Variants in CALD1 observed in about 807,000 individuals in gnomAD.
The protein encoded by CALD1 is caldesmon.
In CALD1, 33 loss-of-function variants were observed where a neutral mutation model predicts 99.9. The observed-to-expected ratio is 0.33, with a 90% CI of 0.25 to 0.44. The LOEUF is 0.44. Among genes scored for constraint, CALD1 ranks in the 20% least tolerant of loss-of-function variants. The pLI is 1.00. For missense variants in CALD1, 861 were observed against 962.1 expected, an observed-to-expected ratio of 0.89 and a Z score of 1.39; for synonymous variants, 310 against 325.0, an observed-to-expected ratio of 0.95 and a Z score of 0.50.
chr7:134,717,578 T>A, the CALD1 span, among the ~76,000 whole-genome samples: 1 of 152,210 alleles, frequency 6.6e-6, no homozygotes, highest in Non-Finnish European at 1.5e-5. Flanking sequence ...GAGAAAGCAC[T>A]GGAATCCAGC....
the CALD1 span, among the ~76,000 whole-genome samples, chr7:134,711,628 TTCTCTCTCTCTC>T: frequency 6.2e-5 from 4 of 64,028 alleles, no homozygotes; most frequent in East Asian, 5.9e-4. Flanking sequence ...CAACCTCAGC[TTCTCTCTCTCTC>T]TCTCTCTCTC....
At chr7:134,826,769 T>C (rs1799017451) in intron 1 of CALD1, among the ~76,000 whole-genome samples, 1 of 152,174 alleles carries the variant, frequency 6.6e-6, no homozygotes, top group Non-Finnish European at 1.5e-5. Context: ...TCAATATTTC[T>C]GAGAATCCCC....
chr7:134,895,344 A>G (rs1023525436), intron 3 of CALD1, among the ~76,000 whole-genome samples: 360 of 112,214 alleles, frequency 3.2e-3, no homozygotes, highest in Non-Finnish European at 3.9e-3. Context: ...GTGTGTGTGT[A>G]TGTATTTAGT....
At chr7:134,752,963 C>G (rs1349449747) in intron 1 of CALD1, among the ~76,000 whole-genome samples, 1 of 137,524 alleles carries the variant, frequency 7.3e-6, no homozygotes, top group Non-Finnish European at 1.5e-5. Context: ...TGAGCCGAGA[C>G]AGCACCACTG....
the CALD1 span, among the ~76,000 whole-genome samples, chr7:134,711,546 C>T: frequency 6.6e-6 from 1 of 151,956 alleles, no homozygotes; most frequent in Non-Finnish European, 1.5e-5. Flanking sequence ...CCCTGGTCTC[C>T]AGCCTGTCTG....
chr7:134,950,057 C>G (rs1462536238), intron 8 of CALD1, among the ~76,000 whole-genome samples: 2 of 152,222 alleles, frequency 1.3e-5, no homozygotes, highest in African/African-American at 4.8e-5. Flanking sequence ...CATGTGCTAT[C>G]TCACTGAGCC....
chr7:134,863,071 C>T (rs1343050952), intron 2 of CALD1, among the ~76,000 whole-genome samples: 3 of 152,112 alleles, frequency 2.0e-5, no homozygotes, highest in Admixed American at 2.0e-4. Context: ...GCCAAATTTC[C>T]CCTTTTCATA....
intron 1 of CALD1, among the ~76,000 whole-genome samples, chr7:134,821,624 C>G (rs1452075144): frequency 2.5e-5 from 3 of 122,334 alleles, no homozygotes; most frequent in African/African-American, 8.8e-5. Context: ...GCTCCGTCAC[C>G]CAGGCTGGAG....
At chr7:134,932,868 G>A (rs1204837587) in intron 4 of CALD1, 120 bp from the exon 5 acceptor site, 3 of 644,040 alleles carry the variant, frequency 4.7e-6, no homozygotes, top group Non-Finnish European at 8.1e-6. Flanking sequence ...ACGTACTGGG[G>A]ATATGGGCAA....
At chr7:134,828,587 A>G (rs1305399846) in intron 1 of CALD1, among the ~76,000 whole-genome samples, 1 of 152,188 alleles carries the variant, frequency 6.6e-6, no homozygotes, top group East Asian at 1.9e-4. Flanking sequence ...CTCTGGATTC[A>G]CTACATTCTG....
chr7:134,845,033 C>T (rs922892713), intron 2 of CALD1, among the ~76,000 whole-genome samples: 1 of 152,064 alleles, frequency 6.6e-6, no homozygotes, highest in African/African-American at 2.4e-5. Flanking sequence ...CATCATTTTC[C>T]CTCTCTAATA....
intron 1 of CALD1, among the ~76,000 whole-genome samples, chr7:134,758,493 C>T (rs1438819767): frequency 1.5e-5 from 2 of 136,368 alleles, no homozygotes; most frequent in Non-Finnish European, 3.1e-5. Context: ...ATCTGCAGCT[C>T]CCATTGGGGT....
chr7:134,894,958 T>A (rs1007366321), intron 3 of CALD1, among the ~76,000 whole-genome samples: 5 of 152,046 alleles, frequency 3.3e-5, no homozygotes, highest in Admixed American at 6.6e-5. Flanking sequence ...AAGTTAAAAG[T>A]TTTTTGTGTG....
At chr7:134,838,633 T>C (rs942636692) in intron 1 of CALD1, among the ~76,000 whole-genome samples, 2 of 152,250 alleles carry the variant, frequency 1.3e-5, no homozygotes, top group African/African-American at 4.8e-5. Context: ...CACTAAGTCA[T>C]TGGCAAATAA....
chr7:134,953,140 T>C (rs1051814291), intron 9 of CALD1, among the ~76,000 whole-genome samples: 1 of 152,164 alleles, frequency 6.6e-6, no homozygotes. Flanking sequence ...TGTCATGAAA[T>C]ATTATTCTTC....
At chr7:134,920,655 GGACA>G (rs1349446818) in intron 3 of CALD1, 1 of 1,289,302 alleles carries the variant, frequency 7.8e-7, no homozygotes, top group Non-Finnish European at 1.0e-6. Flanking sequence ...ATATGAAAGT[GGACA>G]GACAGTGGAA....
chr7:134,929,646 G>GTGTGTGTATA (rs1488854871), intron 4 of CALD1, among the ~76,000 whole-genome samples: 30 of 7,902 alleles, frequency 3.8e-3, no homozygotes, highest in African/African-American at 5.3e-3. Flanking sequence ...GTGTGTGTGT[G>GTGTGTGTATA]TATATATATA....
At position 134,830,410 on chromosome 7, in the gene CALD1, T is replaced by A. The variant is rs180846721; in HGVS notation, c.-129-13474T>A. On this transcript the variant is annotated intron_variant, in intron 1 of 14. Transcript: ENST00000361675. ...AAAAATTAGATCTTTATTTTTTTTT[T>A]AATTTTTAAGCTCAGGGCTACATGT... Among the ~76,000 whole-genome samples the A allele has an allele frequency of 7.4e-3, 1,133 of 152,126 alleles. 11 individuals are homozygous for A. The highest frequency in any genetic ancestry group is 8.4e-3 in the Non-Finnish European group (574 of 67,946).
chr7:134,847,558 C>T (rs1013045644), intron 2 of CALD1, among the ~76,000 whole-genome samples: 3 of 152,282 alleles, frequency 2.0e-5, no homozygotes, highest in East Asian at 1.9e-4. Flanking sequence ...TGAGGGGACA[C>T]GAGGTCACAG....
Sources: allele counts gnomAD v4.1 joint callset (sites outside exome capture counted in the v4.1 genomes callset), GRCh38; gene constraint gnomAD v4.1.1; transcripts MANE v1.5; gene names NCBI Gene and HGNC (gene_info 2026-07-23, HGNC 2026-07-21).